Variants in RSF1 observed in about 807,000 individuals in gnomAD.
RSF1 encodes HBV pX-associated protein 8.
In RSF1, 13 loss-of-function variants were observed where a neutral mutation model predicts 145.2. That is an observed-to-expected ratio of 0.09 (90% CI 0.06 to 0.14). RSF1 has a LOEUF of 0.14. Among genes scored for constraint, RSF1 ranks in the 10% least tolerant of loss-of-function variants. The pLI is 1.00. For missense variants in RSF1, 1,517 were observed against 1,718.2 expected (o/e 0.88, Z 2.07); for synonymous variants, 577 against 592.6 (o/e 0.97, Z 0.38).
At chr11:77,671,713 C>T (rs1268172036) in intron 15 of RSF1, among the ~76,000 whole-genome samples, 1 of 150,682 alleles carries the variant, frequency 6.6e-6, no homozygotes, top group Non-Finnish European at 1.5e-5. Context: ...TGGCTCACTG[C>T]AATCTCCGCC....
At chr11:77,749,384 C>T (rs1051809104) in intron 2 of RSF1, among the ~76,000 whole-genome samples, 1 of 152,096 alleles carries the variant, frequency 6.6e-6, no homozygotes, top group African/African-American at 2.4e-5. Flanking sequence ...GAATGAAGCA[C>T]TTATTGAGTG....
At chr11:77,709,268 A>G (rs1960623621) in intron 5 of RSF1, among the ~76,000 whole-genome samples, 3 of 152,140 alleles carry the variant, frequency 2.0e-5, no homozygotes, top group Admixed American at 2.0e-4. Context: ...TTTTCCTTCC[A>G]CACCTCCTTA....
rs376158350 is a variant in RSF1, at chr11:77,705,741, G to A, written c.734-3246C>T. Among the ~76,000 whole-genome samples the A allele has an allele frequency of 3.3e-5, 5 of 152,134 alleles. No homozygotes were observed. The East Asian group carries it at 7.7e-4, about 24-fold the overall frequency. On this transcript the variant is annotated intron_variant, in intron 5 of 15. Transcript: ENST00000308488. ...GATTCTATACACAATACCTGGAGAA[G>A]GAGCTGTGGTCCCAGCTACGTGGGA...
intron 4 of RSF1, among the ~76,000 whole-genome samples, chr11:77,731,936 C>G (rs1961216062): frequency 6.6e-6 from 1 of 152,242 alleles, no homozygotes; most frequent in South Asian, 2.1e-4. Context: ...CAGAGCCACA[C>G]AGAGTCCCTA....
chr11:77,674,306 T>C (rs887508308), intron 14 of RSF1, among the ~76,000 whole-genome samples: 10 of 152,354 alleles, frequency 6.6e-5, no homozygotes, highest in Non-Finnish European at 1.5e-4. Flanking sequence ...ACATAAAGCA[T>C]TCATTTCTTG....
the RSF1 span, among the ~76,000 whole-genome samples, chr11:77,835,233 C>T: frequency 6.6e-6 from 1 of 152,136 alleles, no homozygotes; most frequent in East Asian, 1.9e-4. Flanking sequence ...CAGACATATA[C>T]CCTTTGCCCC....
At chr11:77,777,730 AT>A (rs1178141424) in intron 1 of RSF1, among the ~76,000 whole-genome samples, 2 of 152,112 alleles carry the variant, frequency 1.3e-5, no homozygotes, top group African/African-American at 4.8e-5. Context: ...CACACCTGTA[AT>A]CCTAGCTACT....
rs146073764 is a variant in RSF1, at chr11:77,728,464, C to T, written c.579-2765G>A. Among the ~76,000 whole-genome samples the T allele has an allele frequency of 9.6e-3, 1,439 of 150,354 alleles. 23 individuals are homozygous for T. Among genetic ancestry groups the T allele is most frequent in the African/African-American group, 0.032 (1,318 of 40,750 alleles). ...GCGAGGCAGGCAGATCACCTGAGGT[C>T]GGGAGATGGAGACCAGCCTGACCAA... On this transcript the variant is annotated intron_variant, in intron 4 of 15. Coordinates refer to ENST00000308488, the MANE Select transcript of RSF1 (RefSeq NM_016578.4).
intron 3 of RSF1, among the ~76,000 whole-genome samples, chr11:77,743,249 G>T (rs1419708729): frequency 6.6e-6 from 1 of 152,074 alleles, no homozygotes; most frequent in Non-Finnish European, 1.5e-5. Flanking sequence ...TGAATTTTAG[G>T]GTTGTGTTTT....
chr11:77,764,489 T>C (rs1948205938), intron 2 of RSF1, 109 bp downstream of exon 2: 2 of 679,440 alleles, frequency 2.9e-6, no homozygotes, highest in Non-Finnish European at 5.0e-6. Context: ...AGCCATAGTC[T>C]TACTTTTAGT....
chr11:77,834,004 A>C, the RSF1 span, among the ~76,000 whole-genome samples: 1 of 152,218 alleles, frequency 6.6e-6, no homozygotes, highest in African/African-American at 2.4e-5. Context: ...AGATGAAGAA[A>C]ACTGCTTTTG....
intron 5 of RSF1, among the ~76,000 whole-genome samples, chr11:77,706,716 T>C (rs757276048): frequency 4.6e-5 from 7 of 152,288 alleles, no homozygotes; most frequent in South Asian, 2.1e-4. Context: ...AGGTTTGTTA[T>C]ACAGGTAAAT....
intron 5 of RSF1, among the ~76,000 whole-genome samples, chr11:77,711,292 A>G (rs1282349207): frequency 6.6e-6 from 1 of 152,164 alleles, no homozygotes; most frequent in East Asian, 1.9e-4. Flanking sequence ...ATATCATACT[A>G]TTTTGTCTCA....
At chr11:77,732,724 CCTT>C (rs1351034736) in intron 4 of RSF1, among the ~76,000 whole-genome samples, 2 of 152,190 alleles carry the variant, frequency 1.3e-5, no homozygotes, top group African/African-American at 4.8e-5. Context: ...ATGACTTGCT[CCTT>C]CTTGCCTTCT....
At chr11:77,772,744 A>G (rs1432264944) in intron 1 of RSF1, among the ~76,000 whole-genome samples, 2 of 150,844 alleles carry the variant, frequency 1.3e-5, no homozygotes, top group African/African-American at 4.9e-5. Context: ...GCAACAATTG[A>G]TAATACCATC....
chr11:77,762,027 C>CTTTTTTCTTTTTTTATTTTTTTTTTT (rs1554994584), intron 2 of RSF1: 1 of 58,756 alleles, frequency 1.7e-5, no homozygotes, highest in African/African-American at 7.8e-5. Flanking sequence ...CTTTTCTTTT[C>CTTTTTTCTTTTTTTATTTTTTTTTTT]TTTTTTTTTT....
chr11:77,828,707 T>C, the RSF1 span, among the ~76,000 whole-genome samples: 1 of 151,670 alleles, frequency 6.6e-6, no homozygotes, highest in South Asian at 2.1e-4. Context: ...TATAAAACAT[T>C]GTTCAAGGAA....
At chr11:77,830,970 G>C in the RSF1 span, among the ~76,000 whole-genome samples, 1 of 125,850 alleles carries the variant, frequency 7.9e-6, no homozygotes, top group African/African-American at 3.2e-5. Flanking sequence ...GCGAGACCCT[G>C]TCTCTACAAA....
chr11:77,709,944 A>C (rs772638983), intron 5 of RSF1, among the ~76,000 whole-genome samples: 2 of 152,162 alleles, frequency 1.3e-5, no homozygotes, highest in Non-Finnish European at 2.9e-5. Context: ...AACTTACTTT[A>C]AAATTTCATG....
Sources: allele counts gnomAD v4.1 joint callset (sites outside exome capture counted in the v4.1 genomes callset), GRCh38; gene constraint gnomAD v4.1.1; transcripts MANE v1.5; gene names NCBI Gene and HGNC (gene_info 2026-07-23, HGNC 2026-07-21).